The following PKHD1L1 variants were observed in gnomAD, a reference collection of about 807,000 sequenced individuals.
The protein encoded by PKHD1L1 is fibrocystin-L.
Under a neutral mutation model 462.9 loss-of-function variants are expected in PKHD1L1, and 434 were observed. The ratio of observed to expected loss-of-function variants is 0.94; its 90% confidence interval spans 0.87 to 1.02. PKHD1L1 has a LOEUF of 1.02. Ranked by LOEUF, PKHD1L1 falls within the 50% of genes least tolerant of loss-of-function variation. The pLI is 0.00. For synonymous variants in PKHD1L1, 1,781 were observed against 1,750.0 expected (o/e 1.02, Z -0.44); for missense variants, 5,202 against 5,096.1 (o/e 1.02, Z -0.63).
At chr8:109,528,036 G>A (rs1673384) in intron 77 of PKHD1L1, among the ~76,000 whole-genome samples, 2 of 151,988 alleles carry the variant, frequency 1.3e-5, no homozygotes, top group Non-Finnish European at 2.9e-5. Flanking sequence ...GTGCTAGTAC[G>A]AGGAATGACA....
intron 23 of PKHD1L1, among the ~76,000 whole-genome samples, chr8:109,422,175 T>C (rs1224037952): frequency 1.3e-5 from 2 of 152,248 alleles, no homozygotes; most frequent in South Asian, 2.1e-4. Context: ...AACCAGGAAA[T>C]TGACATGATA....
At chr8:109,377,054 C>T (rs150148048) in intron 2 of PKHD1L1, among the ~76,000 whole-genome samples, 2 of 152,356 alleles carry the variant, frequency 1.3e-5, no homozygotes, top group Non-Finnish European at 2.9e-5. Flanking sequence ...TGTTGTCTAG[C>T]AGACCTTTGT....
intron 50 of PKHD1L1, among the ~76,000 whole-genome samples, chr8:109,467,254 T>C (rs1259626816): frequency 6.6e-6 from 1 of 152,154 alleles, no homozygotes; most frequent in Non-Finnish European, 1.5e-5. Flanking sequence ...TAATTTACTG[T>C]CATTGTTCAT....
Position 109,510,940 on chromosome 8 carries a change from G to A in PKHD1L1, c.11553+6G>A, listed in dbSNP as rs1042226048. 1.1e-5 allele frequency: 17 copies of A among 1,611,186 alleles called. No homozygotes were observed. The highest frequency in any genetic ancestry group is 1.6e-4 in the Middle Eastern group (1 of 6,064). On this transcript the variant is annotated splice_donor_region_variant and intron_variant, in intron 71 of 77. Coordinates refer to ENST00000378402, the MANE Select transcript of PKHD1L1 (RefSeq NM_177531.6). ...TTAATGTTGATCATAACAAGGTAGG[G>A]CAAGATGTCTTAAGAGTAATTGCTG...
In PKHD1L1 at chr8:109,444,483, A is replaced by C. The variant is rs117502075; in HGVS notation, c.4792-178A>C. ...ATGTAGCAATGCACATTTATGTAAAAATCATAATTTAATCCAAGAGATGCG... is the reference window on the plus strand; with the variant it reads ...ATGTAGCAATGCACATTTATGTAAACATCATAATTTAATCCAAGAGATGCG... On this transcript the variant is annotated intron_variant, in intron 37 of 77. Transcript: ENST00000378402. Among the ~76,000 whole-genome samples the C allele has an allele frequency of 5.4e-3, 829 of 152,338 alleles. 4 individuals are homozygous for C. Among genetic ancestry groups the C allele is most frequent in the Non-Finnish European group, 8.6e-3 (583 of 68,016 alleles).
chr8:109,435,542 T>A (rs1815360761), intron 29 of PKHD1L1, among the ~76,000 whole-genome samples, 188 bp downstream of exon 29: 1 of 152,224 alleles, frequency 6.6e-6, no homozygotes, highest in African/African-American at 2.4e-5. Flanking sequence ...AAAGCACAAG[T>A]CAGGGTGCTG....
At position 109,467,182 on chromosome 8, in the gene PKHD1L1, G is replaced by A. The variant is rs78198171; in HGVS notation, c.8605+413G>A. ...GATTGTGGATTTACTGATTTGTTCC[G>A]GTAAAGGTACAATACCTGGAACACC... is the stretch of plus-strand genomic sequence containing the variant. On this transcript the variant is annotated intron_variant, in intron 50 of 77. Coordinates refer to ENST00000378402, the MANE Select transcript of PKHD1L1 (RefSeq NM_177531.6). 8.5e-3 allele frequency among the ~76,000 whole-genome samples: 1,291 copies of A among 152,080 alleles called. 17 individuals carry two copies. Among genetic ancestry groups the A allele is most frequent in the African/African-American group, 0.029 (1,197 of 41,490 alleles).
chr8:109,488,068 G>C (rs1290406986), intron 59 of PKHD1L1, among the ~76,000 whole-genome samples: 1 of 151,802 alleles, frequency 6.6e-6, no homozygotes, highest in Non-Finnish European at 1.5e-5. Context: ...ACATTGCCTA[G>C]ATTCATTAAA....
Position 109,510,873 on chromosome 8 carries a change from A to T in PKHD1L1, c.11492A>T (p.Tyr3831Phe). ...GCTCTGAACAAATCTTATGAAGTTT[A>T]CTTCACTGGCACCAGTCCTCAGAAT... Reference protein sequence around the residue: ...IVALNKSYEVYFTGTSPQNLR... With the variant: ...IVALNKSYEVFFTGTSPQNLR... The change falls in exon 71 of 78, where the codon TAC (tyrosine) becomes TTC (phenylalanine). Residue 3831 changes from tyrosine to phenylalanine, a missense_variant. Coordinates refer to ENST00000378402, the MANE Select transcript of PKHD1L1 (RefSeq NM_177531.6). 6.2e-7 allele frequency: 1 copy of T among 1,613,340 alleles called. No homozygotes were observed. Among genetic ancestry groups the T allele is most frequent in the Non-Finnish European group, 8.5e-7 (1 of 1,179,496 alleles).
At chr8:109,362,682 AG>A in intron 1 of PKHD1L1, 29 bp downstream of exon 1, 1 of 1,570,862 alleles carries the variant, frequency 6.4e-7, no homozygotes, top group Non-Finnish European at 8.6e-7. Context: ...TAGGCAGGCA[AG>A]CAGGAGAGGC....
intron 24 of PKHD1L1, 43 bp downstream of exon 24, chr8:109,425,275 A>C: frequency 6.8e-7 from 1 of 1,475,502 alleles, no homozygotes; most frequent in Non-Finnish European, 9.0e-7. Context: ...ACGCACACAC[A>C]TATGTATAAC....
At position 109,412,072 on chromosome 8, in the gene PKHD1L1, G is replaced by T. The variant is rs975552663; in HGVS notation, c.2086-193G>T. 3.2e-4 allele frequency among the ~76,000 whole-genome samples: 48 copies of T among 152,032 alleles called. 1 individual carries two copies. The highest frequency in any genetic ancestry group is 5.9e-5 in the Non-Finnish European group (4 of 68,028). ...CAAACTTGGGAACTAGTCAAATACT[G>T]GTATAAAGGATTATATAATTATGGA... On this transcript the variant is annotated intron_variant, in intron 19 of 77. Transcript: ENST00000378402.
In PKHD1L1 at chr8:109,429,408, A is replaced by T; in HGVS notation, c.3069A>T (p.Leu1023Phe). The T allele has an allele frequency of 6.2e-7, 1 of 1,603,502 alleles. No homozygotes were observed. Among genetic ancestry groups the T allele is most frequent in the Non-Finnish European group, 8.5e-7 (1 of 1,173,480 alleles). The change falls in exon 26 of 78, where the codon TTA becomes TTT. Residue 1023 changes from leucine to phenylalanine, a missense_variant. By Grantham distance (22) the Leu-to-Phe change is conservative. Around this residue, in one of 3 missense-constraint regions of PKHD1L1, gnomAD observed 4,497 missense variants for 4,336.8 expected, o/e 1.04. Transcript: ENST00000378402. ...TTACAAGGATAAAGGAAGGTGGCTT[A>T]TTCAGACAACATGTACTTGGAGACC... ...MTVTRIKEGG[L>F]FRQHVLGDLL... is the part of the protein sequence containing the mutation.
At chr8:109,380,601 A>G (rs1387001385) in intron 2 of PKHD1L1, among the ~76,000 whole-genome samples, 1 of 152,192 alleles carries the variant, frequency 6.6e-6, no homozygotes, top group Non-Finnish European at 1.5e-5. Context: ...AGAACCCTCA[A>G]CCAATGGGGA....
intron 24 of PKHD1L1, among the ~76,000 whole-genome samples, 198 bp from the exon 25 acceptor site, chr8:109,426,804 C>T (rs1814773487): frequency 6.6e-6 from 1 of 152,162 alleles, no homozygotes; most frequent in African/African-American, 2.4e-5. Flanking sequence ...AGGCACGCAC[C>T]ACCATGCCCA....
Position 109,449,439 on chromosome 8 carries a change from C to G in PKHD1L1, c.6127C>G (p.Leu2043Val). The G allele has an allele frequency of 6.3e-7, 1 of 1,599,740 alleles. No homozygotes were observed. The highest frequency in any genetic ancestry group is 1.7e-5 in the Admixed American group (1 of 58,350). ...VCGSECAIDR[L>V]RSDYTTLLCE... Reference sequence around the variant, plus strand: ...TGGCTCAGAATGTGCAATTGACAGGCTTAGATCTGATTACACAACACTATT... The same window carrying G: ...TGGCTCAGAATGTGCAATTGACAGGGTTAGATCTGATTACACAACACTATT... Residue 2043 changes from leucine to valine, a missense_variant, in exon 40 of 78, where the codon CTT becomes GTT. Coordinates refer to ENST00000378402, the MANE Select transcript of PKHD1L1 (RefSeq NM_177531.6).
rs534172781 is a variant in PKHD1L1 at position 109,452,953 on chromosome 8, T to C, written c.6664+79T>C. ...AACTGATTTAATCAAAATCCACAAT[T>C]ATGAACAAACATAGTTGCACTATCT... On this transcript the variant is annotated intron_variant, in intron 43 of 77. Coordinates refer to ENST00000378402, the MANE Select transcript of PKHD1L1 (RefSeq NM_177531.6). 1.9e-5 allele frequency: 22 copies of C among 1,186,810 alleles called. No homozygotes were observed. In the South Asian group the frequency reaches 5.5e-4, roughly 29 times the overall value. 73.5% of individuals were successfully genotyped at this position (1,186,810 alleles called of 1,614,324 possible).
intron 21 of PKHD1L1, 145 bp downstream of exon 21, chr8:109,413,690 A>T: frequency 2.0e-6 from 1 of 495,544 alleles, no homozygotes. Flanking sequence ...TGTAAATGGC[A>T]GTTTTCCTAT....
intron 62 of PKHD1L1, 73 bp from the exon 63 acceptor site, chr8:109,493,588 A>G: frequency 1.0e-6 from 1 of 957,498 alleles, no homozygotes; most frequent in Non-Finnish European, 1.6e-6. Context: ...GTGTATTGTC[A>G]TATACTTACT....
Sources: allele counts gnomAD v4.1 joint callset (sites outside exome capture counted in the v4.1 genomes callset), GRCh38; gene constraint gnomAD v4.1.1; regional missense constraint gnomAD v4.1.1; transcripts MANE v1.5; gene names NCBI Gene and HGNC (gene_info 2026-07-23, HGNC 2026-07-21).